The following IL18BP variants were observed in gnomAD, a reference collection of about 807,000 sequenced individuals.
IL18BP encodes the protein interleukin 18 binding protein, also known as interleukin-18-binding protein.
Under a neutral mutation model 19.9 loss-of-function variants are expected in IL18BP, and 23 were observed. That is an observed-to-expected ratio of 1.15 (90% CI 0.83 to 1.64). IL18BP has a LOEUF of 1.64. Among genes scored for constraint, IL18BP ranks in the 40% most tolerant of loss-of-function variants. IL18BP has a pLI of 0.00. For synonymous variants in IL18BP, 107 were observed against 101.0 expected (o/e 1.06, Z -0.35); for missense variants, 239 against 240.7 (o/e 0.99, Z 0.05).
Position 72,001,492 on chromosome 11 carries a change from C to CT in IL18BP, c.448dup (p.Cys150LeufsTer7). On this transcript the variant is annotated frameshift_variant, in exon 5 of 6. Transcript: ENST00000393703. LOFTEE classifies it high-confidence loss of function. Reference sequence around the variant, plus strand: ...CTGCCCTGCACAGCACCAACTTCTCCTGTGTGCTCGTGGACCCTGAACAGG... The same window carrying CT: ...CTGCCCTGCACAGCACCAACTTCTCCTTGTGTGCTCGTGGACCCTGAACAGG... The CT allele has an allele frequency of 6.2e-7, 1 of 1,614,072 alleles. No individual in the cohort carries two copies. Among genetic ancestry groups the CT allele is most frequent in the Non-Finnish European group, 8.5e-7 (1 of 1,179,964 alleles).
At chr11:72,005,126 C>T, downstream of IL18BP, 2 of 1,294,906 alleles carry the variant, frequency 1.5e-6, no homozygotes, top group East Asian at 5.1e-5. Context: ...CCTCCCCCTC[C>T]TCGGCCAGTC....
chr11:72,007,170 C>T (rs915397727), downstream of IL18BP: 1 of 1,603,984 alleles, frequency 6.2e-7, no homozygotes, highest in Non-Finnish European at 8.5e-7. Context: ...CCCTGCAGCC[C>T]CTGTCCCAGC....
downstream of IL18BP, chr11:72,006,252 C>T (rs1015362024): frequency 1.9e-6 from 3 of 1,613,980 alleles, no homozygotes; most frequent in Non-Finnish European, 2.5e-6. Flanking sequence ...CTGGCTCTTC[C>T]ACATCTAGCT....
chr11:71,999,792 C>G (rs939102934), intron 1 of IL18BP, 135 bp from the exon 2 acceptor site: 1 of 595,300 alleles, frequency 1.7e-6, no homozygotes. Context: ...GTCACTTGAC[C>G]CCCCCAGCTC....
chr11:72,007,435 G>C, downstream of IL18BP: 1 of 1,613,146 alleles, frequency 6.2e-7, no homozygotes, highest in South Asian at 1.1e-5. Context: ...GAGGCAGCTT[G>C]CTATGGAAAG....
chr11:72,001,740 C>A, intron 5 of IL18BP, 44 bp from the exon 6 acceptor site: 1 of 1,613,678 alleles, frequency 6.2e-7, no homozygotes, highest in Non-Finnish European at 8.5e-7. Context: ...ATGAGATGTC[C>A]CTCCTTTCCT....
downstream of IL18BP, chr11:72,003,773 C>T: frequency 8.4e-7 from 1 of 1,187,726 alleles, no homozygotes; most frequent in Non-Finnish European, 1.2e-6. Context: ...CCTCTTACCC[C>T]ACACCCTCCA....
At chr11:72,000,151 A>C (rs1955135041) in intron 2 of IL18BP, 139 bp downstream of exon 2, 3 of 964,766 alleles carry the variant, frequency 3.1e-6, no homozygotes, top group Non-Finnish European at 4.8e-6. Context: ...GAACCTGGGC[A>C]GATATTGTAG....
chr11:72,005,224 A>G (rs779796923), downstream of IL18BP: 7 of 1,589,628 alleles, frequency 4.4e-6, no homozygotes, highest in South Asian at 7.9e-5. Flanking sequence ...CAGTGACCCC[A>G]GGCCTCACCC....
chr11:72,006,355 A>C (rs538939577), downstream of IL18BP: 19 of 1,051,118 alleles, frequency 1.8e-5, 1 homozygote, highest in African/African-American at 3.0e-4. Context: ...ATCCCACGGC[A>C]CATCCATGTA....
At chr11:72,004,066 G>A (rs1349334728), downstream of IL18BP, 1 of 1,613,316 alleles carries the variant, frequency 6.2e-7, no homozygotes, top group Non-Finnish European at 8.5e-7. Context: ...GGTGTGTTGA[G>A]GATGCTGAAG....
At chr11:72,007,872 C>G (rs1387063395), downstream of IL18BP, 2 of 349,270 alleles carry the variant, frequency 5.7e-6, no homozygotes, top group Non-Finnish European at 1.1e-5. Context: ...AGCTCCTAAC[C>G]ACACCCCACT....
chr11:72,002,984 G>T (rs1955363191), downstream of IL18BP: 1 of 234,760 alleles, frequency 4.3e-6, no homozygotes, highest in Non-Finnish European at 8.4e-6. Context: ...GGGAAGGTAG[G>T]GTGTGAGCTG....
chr11:72,004,127 G>A, downstream of IL18BP: 1 of 1,612,122 alleles, frequency 6.2e-7, no homozygotes, highest in South Asian at 1.1e-5. Context: ...CAGACCGGGA[G>A]ACCCAATGCT....
chr11:72,005,425 T>C, downstream of IL18BP: 1 of 1,565,264 alleles, frequency 6.4e-7, no homozygotes, highest in Non-Finnish European at 8.7e-7. Context: ...GGTCACCTCC[T>C]GGCCCTGGCA....
At position 72,001,118 on chromosome 11, in the gene IL18BP, G is replaced by A. The variant is rs553176090; in HGVS notation, c.236-83G>A. On this transcript the variant is annotated intron_variant, in intron 3 of 5. Coordinates refer to ENST00000393703, the MANE Select transcript of IL18BP (RefSeq NM_001039660.2). The stretch of plus-strand genomic sequence containing the variant: ...GGTTCCAGATGCATGGGGACTGGGG[G>A]GAGCTGGCAGGGAGGGCACAGCAGA... 1.3e-4 allele frequency: 198 copies of A among 1,544,246 alleles called. 2 individuals carry two copies. In the East Asian group the frequency reaches 4.0e-3, roughly 31 times the overall value.
downstream of IL18BP, among the ~76,000 whole-genome samples, chr11:72,006,918 G>A (rs376380594): frequency 2.6e-4 from 40 of 152,352 alleles, no homozygotes; most frequent in East Asian, 3.3e-3. Context: ...GCTTCGCCAC[G>A]TTCTCTCCCT....
downstream of IL18BP, chr11:72,004,256 T>G: frequency 1.2e-6 from 2 of 1,612,156 alleles, no homozygotes; most frequent in Non-Finnish European, 1.7e-6. Context: ...TGCTTTCTTC[T>G]GGGCCTCAGT....
chr11:72,004,661 G>A, downstream of IL18BP: 1 of 1,613,050 alleles, frequency 6.2e-7, no homozygotes. Flanking sequence ...CAGGGCCCTG[G>A]TGGGGCTCTA....
Sources: gnomAD v4.1 joint callset for allele counts (sites outside exome capture counted in the v4.1 genomes callset) on GRCh38, gnomAD v4.1.1 for gene constraint, MANE v1.5 for transcripts, NCBI Gene and HGNC (gene_info 2026-07-23, HGNC 2026-07-21) for gene names.